Variants in GRM1 observed in about 807,000 individuals in gnomAD.
GRM1 encodes metabotropic glutamate receptor 1.
A neutral mutation model predicts 90.9 loss-of-function variants in GRM1; 33 were observed. The ratio of observed to expected loss-of-function variants is 0.36; its 90% CI spans 0.28 to 0.49. The LOEUF is 0.49. Among genes scored for constraint, GRM1 ranks in the 20% least tolerant of loss-of-function variants. The pLI is 0.99. For synonymous variants in GRM1, 700 were observed against 613.2 expected, an observed-to-expected ratio of 1.14 and a Z score of -2.09; for missense variants, 1,190 against 1,534.3, an observed-to-expected ratio of 0.78 and a Z score of 3.75.
chr6:146,432,458 T>G (rs1459678050), intron 7 of GRM1, among the ~76,000 whole-genome samples: 1 of 152,238 alleles, frequency 6.6e-6, no homozygotes, highest in South Asian at 2.1e-4. Flanking sequence ...TATTCGTTCT[T>G]GTATTCTCAA....
At chr6:146,067,757 G>A (rs188192677) in intron 1 of GRM1, among the ~76,000 whole-genome samples, 34 of 152,036 alleles carry the variant, frequency 2.2e-4, no homozygotes, top group African/African-American at 6.3e-4. Flanking sequence ...AACAAAATAA[G>A]TTTCCAAAGA....
At chr6:146,163,903 G>A (rs915580622) in intron 2 of GRM1, among the ~76,000 whole-genome samples, 2 of 151,916 alleles carry the variant, frequency 1.3e-5, no homozygotes, top group Non-Finnish European at 2.9e-5. Context: ...CTCTTTTCCA[G>A]CTCATTTCTT....
intron 6 of GRM1, among the ~76,000 whole-genome samples, chr6:146,388,571 T>A (rs548675219): frequency 2.0e-5 from 3 of 152,132 alleles, no homozygotes; most frequent in Non-Finnish European, 4.4e-5. Context: ...GTAAGTCACC[T>A]AGTACAAAGG....
intron 2 of GRM1, among the ~76,000 whole-genome samples, chr6:146,292,644 T>C (rs1783028634): frequency 6.6e-6 from 1 of 151,860 alleles, no homozygotes; most frequent in African/African-American, 2.4e-5. Flanking sequence ...TGTACAAAAA[T>C]GAAACCCTTG....
intron 1 of GRM1, among the ~76,000 whole-genome samples, chr6:146,142,655 G>A (rs975875022): frequency 2.4e-4 from 36 of 149,836 alleles, no homozygotes; most frequent in Admixed American, 2.1e-3. Context: ...AAGCAGAGGC[G>A]TTTCTCCGCA....
intron 1 of GRM1, among the ~76,000 whole-genome samples, chr6:146,045,925 G>A (rs1484058034): frequency 6.6e-6 from 1 of 151,730 alleles, no homozygotes; most frequent in Non-Finnish European, 1.5e-5. Flanking sequence ...CTCTTTATAT[G>A]AATACTGGTA....
chr6:146,328,422 C>T (rs1282834393), intron 3 of GRM1, among the ~76,000 whole-genome samples: 2 of 152,158 alleles, frequency 1.3e-5, no homozygotes, highest in African/African-American at 2.4e-5. Flanking sequence ...TGGCTTTACT[C>T]CTTGGTATGT....
At chr6:146,385,515 C>G (rs1015002248) in intron 5 of GRM1, among the ~76,000 whole-genome samples, 7 of 151,774 alleles carry the variant, frequency 4.6e-5, no homozygotes, top group African/African-American at 1.7e-4. Context: ...CAAATAGAAG[C>G]TGAGAGAGGT....
chr6:146,083,527 G>T (rs145474344), intron 1 of GRM1, among the ~76,000 whole-genome samples: 2 of 152,274 alleles, frequency 1.3e-5, no homozygotes, highest in South Asian at 4.1e-4. Flanking sequence ...TTATGTGATA[G>T]ATTGTATTTA....
At position 146,434,629 on chromosome 6, in the gene GRM1, G is replaced by C. The variant is rs1778535036; in HGVS notation, c.3418G>C (p.Asp1140His). 6.2e-7 allele frequency: 1 copy of C among 1,612,058 alleles called. No homozygotes were observed. Among genetic ancestry groups the C allele is most frequent in the South Asian group, 1.1e-5 (1 of 91,086 alleles). The change falls in exon 8 of 8, where the codon GAT (aspartate) becomes CAT (histidine). Residue 1140 changes from aspartate to histidine, a missense_variant. Around this residue, in one of 10 missense-constraint regions of GRM1, gnomAD observed 400 missense variants for 360.8 expected, o/e 1.11. Coordinates refer to ENST00000282753, the MANE Select transcript of GRM1 (RefSeq NM_001278064.2). ...GCAGGCGGCCAGCAAACTGACCCCG[G>C]ATGATTCGCCTGCGCTGACGCCTCC... ...DLQAASKLTP[D>H]DSPALTPPSP... is the part of the protein sequence containing the mutation.
At chr6:146,287,604 A>T (rs771673467) in intron 2 of GRM1, among the ~76,000 whole-genome samples, 2 of 152,190 alleles carry the variant, frequency 1.3e-5, no homozygotes, top group South Asian at 2.1e-4. Flanking sequence ...CCCCAACAGG[A>T]TGTGCCAGTC....
intron 3 of GRM1, among the ~76,000 whole-genome samples, chr6:146,345,648 A>G (rs1488898821): frequency 6.6e-6 from 1 of 152,230 alleles, no homozygotes; most frequent in Non-Finnish European, 1.5e-5. Flanking sequence ...GCTTTCTTAC[A>G]TATCTAAAGG....
intron 1 of GRM1, among the ~76,000 whole-genome samples, chr6:146,050,667 C>CTT (rs1791491380): frequency 6.6e-6 from 1 of 151,982 alleles, no homozygotes; most frequent in Non-Finnish European, 1.5e-5. Context: ...TTTGACAATA[C>CTT]TCTTAGCTGC....
chr6:146,139,962 C>G (rs928263427), intron 1 of GRM1, among the ~76,000 whole-genome samples: 1 of 113,074 alleles, frequency 8.8e-6, no homozygotes, highest in Non-Finnish European at 1.8e-5. Flanking sequence ...CTCCCCTTCC[C>G]TTCCCTTCCC....
chr6:146,142,663 G>T (rs143732966), intron 1 of GRM1, among the ~76,000 whole-genome samples: 1 of 139,966 alleles, frequency 7.1e-6, no homozygotes, highest in Non-Finnish European at 1.6e-5. Context: ...GCGTTTCTCC[G>T]CATAGACCAC....
intron 2 of GRM1, among the ~76,000 whole-genome samples, chr6:146,266,113 C>T (rs1490924618): frequency 4.6e-5 from 7 of 151,972 alleles, no homozygotes; most frequent in Non-Finnish European, 7.4e-5. Context: ...TGCTTGAACC[C>T]GGGAGATGGA....
chr6:146,101,256 C>T (rs1583002906), intron 1 of GRM1, among the ~76,000 whole-genome samples: 1 of 152,122 alleles, frequency 6.6e-6, no homozygotes, highest in Non-Finnish European at 1.5e-5. Flanking sequence ...TACCGAGTCA[C>T]CTGATACATT....
intron 5 of GRM1, among the ~76,000 whole-genome samples, chr6:146,385,398 G>A (rs1488684393): frequency 6.6e-6 from 1 of 151,890 alleles, no homozygotes; most frequent in African/African-American, 2.4e-5. Context: ...ACAATGGAAT[G>A]ACATAACATG....
At chr6:146,071,882 C>T (rs1415644362) in intron 1 of GRM1, among the ~76,000 whole-genome samples, 1 of 152,106 alleles carries the variant, frequency 6.6e-6, no homozygotes, top group East Asian at 1.9e-4. Context: ...GTTAGTATGA[C>T]CTTGGCTGAG....
Sources: allele counts gnomAD v4.1 joint callset (sites outside exome capture counted in the v4.1 genomes callset), GRCh38; gene constraint gnomAD v4.1.1; regional missense constraint gnomAD v4.1.1; transcripts MANE v1.5; gene names NCBI Gene and HGNC (gene_info 2026-07-23, HGNC 2026-07-21).